Variants in ARHGAP15 observed in about 807,000 individuals in gnomAD.
The protein encoded by ARHGAP15 is rho GTPase-activating protein 15.
A neutral mutation model predicts 63.7 loss-of-function variants in ARHGAP15; 51 were observed. The observed-to-expected ratio is 0.80, with a 90% CI of 0.64 to 1.01. The LOEUF (loss-of-function observed/expected upper bound fraction) is 1.01. Ranked by LOEUF, ARHGAP15 falls within the 50% of genes least tolerant of loss-of-function variation. The pLI, the probability that ARHGAP15 is intolerant of heterozygous loss-of-function variation, is 0.00. For synonymous variants in ARHGAP15, 191 were observed against 193.8 expected (o/e 0.99, Z 0.12); for missense variants, 560 against 564.6 (o/e 0.99, Z 0.08).
At chr2:143,297,036 T>C (rs1682667197) in intron 6 of ARHGAP15, among the ~76,000 whole-genome samples, 1 of 151,974 alleles carries the variant, frequency 6.6e-6, no homozygotes, top group African/African-American at 2.4e-5. Flanking sequence ...ATTGTAAAGC[T>C]AGTGTCCAAA....
intron 8 of ARHGAP15, among the ~76,000 whole-genome samples, chr2:143,480,405 T>C (rs1312762059): frequency 6.6e-6 from 1 of 152,212 alleles, no homozygotes; most frequent in Non-Finnish European, 1.5e-5. Context: ...CTTAAATGGG[T>C]AGATAGCATG....
At chr2:143,529,934 T>C (rs1694451322) in intron 10 of ARHGAP15, among the ~76,000 whole-genome samples, 1 of 152,090 alleles carries the variant, frequency 6.6e-6, no homozygotes, top group Non-Finnish European at 1.5e-5. Context: ...AGTCCTTGAG[T>C]CTAGGAATTA....
chr2:143,660,137 T>G lies in ARHGAP15; in HGVS notation c.1138+35870T>G, dbSNP rs151177520. Among the ~76,000 whole-genome samples the G allele has an allele frequency of 3.9e-5, 6 of 152,350 alleles. No homozygotes were observed. In the East Asian group the frequency reaches 1.2e-3, roughly 29 times the overall value. ...TAGGATGATGGGGTCCTTCATCCCTTCCATGCTAACTCTTCCACTCAAACT... is the reference window on the plus strand; with the variant it reads ...TAGGATGATGGGGTCCTTCATCCCTGCCATGCTAACTCTTCCACTCAAACT... On this transcript the variant is annotated intron_variant, in intron 12 of 13. Coordinates refer to ENST00000295095, the MANE Select transcript of ARHGAP15 (RefSeq NM_018460.4).
At chr2:143,328,299 A>G (rs1244118461) in intron 6 of ARHGAP15, among the ~76,000 whole-genome samples, 2 of 152,216 alleles carry the variant, frequency 1.3e-5, no homozygotes, top group African/African-American at 4.8e-5. Context: ...ATGTATGTTT[A>G]TCGCAGCACT....
chr2:143,645,984 T>G (rs565295636), intron 12 of ARHGAP15, among the ~76,000 whole-genome samples: 1 of 152,168 alleles, frequency 6.6e-6, no homozygotes, highest in Admixed American at 6.6e-5. Context: ...AGATAGCTAT[T>G]CTGGCAGTAA....
intron 6 of ARHGAP15, among the ~76,000 whole-genome samples, chr2:143,391,402 T>C (rs1687533247): frequency 6.6e-6 from 1 of 152,172 alleles, no homozygotes; most frequent in South Asian, 2.1e-4. Context: ...CTTTGTTAGA[T>C]GCAACCACAG....
chr2:143,656,934 G>GGTGTGTGAGTGTGTGTGTGTGTGTGT (rs1681468013), intron 12 of ARHGAP15, among the ~76,000 whole-genome samples: 1 of 144,936 alleles, frequency 6.9e-6, no homozygotes. Context: ...CAAAGTTTCT[G>GGTGTGTGAGTGTGTGTGTGTGTGTGT]GTGTGTGTGT....
chr2:143,457,139 C>G (rs1296083156), intron 8 of ARHGAP15, among the ~76,000 whole-genome samples: 2 of 152,014 alleles, frequency 1.3e-5, no homozygotes, highest in African/African-American at 4.8e-5. Flanking sequence ...AAGTTTCCAC[C>G]AAATAATTTA....
At chr2:143,564,113 A>G (rs1204316202) in intron 11 of ARHGAP15, 1 of 152,238 alleles carries the variant, frequency 6.6e-6, no homozygotes, top group African/African-American at 2.4e-5. Flanking sequence ...TGAAGGCCTC[A>G]ATCCATCATT....
chr2:143,448,501 A>G (rs1690250051), intron 8 of ARHGAP15, among the ~76,000 whole-genome samples: 1 of 152,044 alleles, frequency 6.6e-6, no homozygotes, highest in Admixed American at 6.6e-5. Flanking sequence ...TAGACCATGT[A>G]CCATATGCTG....
intron 6 of ARHGAP15, among the ~76,000 whole-genome samples, chr2:143,333,917 A>T (rs904572651): frequency 1.3e-5 from 2 of 152,318 alleles, no homozygotes; most frequent in East Asian, 3.9e-4. Flanking sequence ...ATAAAATCCT[A>T]AAAGTGTAAT....
intron 6 of ARHGAP15, among the ~76,000 whole-genome samples, chr2:143,415,951 C>G (rs1029438486): frequency 6.6e-6 from 1 of 151,974 alleles, no homozygotes; most frequent in African/African-American, 2.4e-5. Context: ...AAAAATGACA[C>G]AATGGACTTT....
At chr2:143,329,779 C>T (rs890429943) in intron 6 of ARHGAP15, among the ~76,000 whole-genome samples, 7 of 151,868 alleles carry the variant, frequency 4.6e-5, no homozygotes, top group South Asian at 4.1e-4. Flanking sequence ...TGCACATACA[C>T]ACCCCCCTCC....
intron 6 of ARHGAP15, among the ~76,000 whole-genome samples, chr2:143,349,675 A>G (rs188186072): frequency 1.3e-5 from 2 of 152,270 alleles, no homozygotes; most frequent in Admixed American, 1.3e-4. Context: ...TTGTTAACCT[A>G]TGTGCAGGGA....
intron 12 of ARHGAP15, among the ~76,000 whole-genome samples, chr2:143,689,300 T>C (rs973541847): frequency 2.0e-5 from 3 of 152,218 alleles, no homozygotes; most frequent in African/African-American, 7.2e-5. Context: ...AGTGATCTTT[T>C]CATCTTCCCT....
chr2:143,311,227 G>A (rs1297136303), intron 6 of ARHGAP15, among the ~76,000 whole-genome samples: 4 of 151,380 alleles, frequency 2.6e-5, no homozygotes, highest in African/African-American at 4.8e-5. Context: ...ATAAGCACAC[G>A]GTGTATCAAT....
intron 13 of ARHGAP15, among the ~76,000 whole-genome samples, chr2:143,721,039 G>A (rs2105462939): frequency 1.6e-5 from 2 of 126,904 alleles, no homozygotes; most frequent in South Asian, 5.3e-4. Context: ...TCCAGCCTGG[G>A]CGACAGAGCA....
chr2:143,286,277 G>A (rs1444534629), intron 6 of ARHGAP15, among the ~76,000 whole-genome samples: 1 of 152,194 alleles, frequency 6.6e-6, no homozygotes, highest in Non-Finnish European at 1.5e-5. Context: ...ACTGAAGCTT[G>A]AAGCTCTGGT....
At chr2:143,178,289 G>C (rs1038128281) in intron 2 of ARHGAP15, among the ~76,000 whole-genome samples, 1 of 152,134 alleles carries the variant, frequency 6.6e-6, no homozygotes, top group African/African-American at 2.4e-5. Flanking sequence ...AAAAATTATA[G>C]TTATTTTTTC....
Sources: gnomAD v4.1 joint callset for allele counts (sites outside exome capture counted in the v4.1 genomes callset) on GRCh38, gnomAD v4.1.1 for gene constraint, MANE v1.5 for transcripts, NCBI Gene and HGNC (gene_info 2026-07-23, HGNC 2026-07-21) for gene names.